Variants in BTBD9 observed in about 807,000 individuals in gnomAD.
BTBD9 encodes BTB domain containing 9, also known as BTB/POZ domain-containing protein 9.
Under a neutral mutation model 64.3 loss-of-function variants are expected in BTBD9, and 49 were observed. That is an observed-to-expected ratio of 0.76 (90% CI 0.61 to 0.97). The LOEUF (loss-of-function observed/expected upper bound fraction) is 0.97. Among genes scored for constraint, BTBD9 ranks in the 50% least tolerant of loss-of-function variants. BTBD9 has a pLI of 0.00. For missense variants in BTBD9, 598 were observed against 762.1 expected (o/e 0.78, Z 2.53); for synonymous variants, 260 against 274.7 (o/e 0.95, Z 0.53).
chr6:38,221,668 C>T (rs955999651), intron 9 of BTBD9, among the ~76,000 whole-genome samples: 30 of 152,310 alleles, frequency 2.0e-4, no homozygotes, highest in African/African-American at 7.0e-4. Flanking sequence ...TACAGACTTC[C>T]CTCTGAAGAA....
intron 6 of BTBD9, among the ~76,000 whole-genome samples, chr6:38,445,231 A>G (rs555310404): frequency 7.9e-5 from 12 of 152,342 alleles, no homozygotes; most frequent in African/African-American, 2.4e-4. Flanking sequence ...GTGGTCTATA[A>G]CTACAGTATA....
At chr6:38,557,015 CAAAAAAAAAAAAAAAAAAAAAAAAA>C (rs397888418) in intron 6 of BTBD9, among the ~76,000 whole-genome samples, 16 of 15,408 alleles carry the variant, frequency 1.0e-3, no homozygotes, top group African/African-American at 2.9e-3. Flanking sequence ...TCCATCTCAC[CAAAAAAAAAAAAAAAAAAAAAAAAA>C]AAAAAAAAAA....
At chr6:38,374,298 T>TATATAC (rs1765568609) in intron 6 of BTBD9, among the ~76,000 whole-genome samples, 2 of 50,828 alleles carry the variant, frequency 3.9e-5, no homozygotes, top group African/African-American at 2.0e-4. Flanking sequence ...TATATATATG[T>TATATAC]ATATATATGT....
intron 6 of BTBD9, among the ~76,000 whole-genome samples, chr6:38,507,737 C>G (rs545762267): frequency 1.1e-4 from 17 of 152,220 alleles, no homozygotes; most frequent in Admixed American, 4.6e-4. Context: ...TCTAAGGATT[C>G]CATCCTAGAC....
chr6:38,599,626 C>CA (rs1235416895), intron 1 of BTBD9, among the ~76,000 whole-genome samples: 1 of 152,204 alleles, frequency 6.6e-6, no homozygotes, highest in Non-Finnish European at 1.5e-5. Context: ...GCTAGACCTC[C>CA]ACACCTTTTT....
chr6:38,213,540 C>T (rs1444885229), intron 9 of BTBD9, among the ~76,000 whole-genome samples: 5 of 152,114 alleles, frequency 3.3e-5, no homozygotes, highest in African/African-American at 4.8e-5. Context: ...AGGCCCTTTC[C>T]GGGATCTGCA....
intron 6 of BTBD9, among the ~76,000 whole-genome samples, chr6:38,554,345 C>G (rs571060577): frequency 1.3e-5 from 2 of 152,172 alleles, no homozygotes; most frequent in Non-Finnish European, 2.9e-5. Flanking sequence ...ACTAATTCAA[C>G]CCCTCTCAGA....
At chr6:38,577,305 G>A (rs1776087902) in intron 6 of BTBD9, among the ~76,000 whole-genome samples, 1 of 152,140 alleles carries the variant, frequency 6.6e-6, no homozygotes, top group Non-Finnish European at 1.5e-5. Flanking sequence ...TCACTGTATA[G>A]CACGGAGTTT....
chr6:38,494,527 A>G (rs1771859162), intron 6 of BTBD9, among the ~76,000 whole-genome samples: 1 of 152,256 alleles, frequency 6.6e-6, no homozygotes, highest in African/African-American at 2.4e-5. Context: ...CAAACTCCAG[A>G]GTAAGATTAT....
intron 7 of BTBD9, among the ~76,000 whole-genome samples, chr6:38,300,449 C>T (rs542795754): frequency 2.3e-4 from 35 of 152,262 alleles, no homozygotes; most frequent in Admixed American, 1.3e-3. Context: ...TTACCTTGGG[C>T]AGTGTGACCA....
intron 9 of BTBD9, among the ~76,000 whole-genome samples, chr6:38,236,377 G>C (rs1451740684): frequency 6.6e-6 from 1 of 152,172 alleles, no homozygotes; most frequent in Non-Finnish European, 1.5e-5. Context: ...CTACTGGTCT[G>C]TGACATCATT....
intron 6 of BTBD9, among the ~76,000 whole-genome samples, chr6:38,409,114 A>C (rs1767296009): frequency 1.3e-5 from 2 of 152,078 alleles, no homozygotes; most frequent in Admixed American, 6.6e-5. Context: ...GCCAGGCATG[A>C]TGGCAGGTGC....
intron 6 of BTBD9, among the ~76,000 whole-genome samples, chr6:38,552,053 T>C (rs900227675): frequency 6.6e-6 from 1 of 152,078 alleles, no homozygotes; most frequent in South Asian, 2.1e-4. Flanking sequence ...AAATAAGAAA[T>C]CACAAGCTGA....
chr6:38,407,210 T>G (rs1222315360), intron 6 of BTBD9, among the ~76,000 whole-genome samples: 1 of 152,248 alleles, frequency 6.6e-6, no homozygotes, highest in African/African-American at 2.4e-5. Context: ...GAATCCGACT[T>G]GCAACACATC....
intron 9 of BTBD9, among the ~76,000 whole-genome samples, chr6:38,242,730 C>T (rs1764044826): frequency 6.6e-6 from 1 of 152,206 alleles, no homozygotes; most frequent in Non-Finnish European, 1.5e-5. Context: ...GGTCACTGAA[C>T]AAATATTAGA....
chr6:38,464,816 A>G (rs1770271141), intron 6 of BTBD9, among the ~76,000 whole-genome samples: 1 of 152,082 alleles, frequency 6.6e-6, no homozygotes, highest in Non-Finnish European at 1.5e-5. Flanking sequence ...TTTTTGTATA[A>G]TATCTTTGTC....
chr6:38,223,285 A>C (rs937340868), intron 9 of BTBD9, among the ~76,000 whole-genome samples: 14 of 152,228 alleles, frequency 9.2e-5, no homozygotes, highest in African/African-American at 2.9e-4. Flanking sequence ...AGAGCATTAA[A>C]TAATCACCCT....
intron 6 of BTBD9, among the ~76,000 whole-genome samples, chr6:38,441,338 G>A (rs967409092): frequency 1.3e-5 from 2 of 152,112 alleles, no homozygotes; most frequent in Non-Finnish European, 2.9e-5. Flanking sequence ...GGGTGGGGAG[G>A]TGGTTGCAGG....
chr6:38,572,902 C>CTGA (rs1357283091), intron 6 of BTBD9, among the ~76,000 whole-genome samples: 6 of 151,778 alleles, frequency 4.0e-5, no homozygotes, highest in Non-Finnish European at 5.9e-5. Context: ...GATTTGAATA[C>CTGA]ATTTTTTAAA....
Sources: gnomAD v4.1 joint callset for allele counts (sites outside exome capture counted in the v4.1 genomes callset) on GRCh38, gnomAD v4.1.1 for gene constraint, MANE v1.5 for transcripts, NCBI Gene and HGNC (gene_info 2026-07-23, HGNC 2026-07-21) for gene names.